DGKB: variants seen among roughly 807,000 people sequenced by gnomAD.
The protein encoded by DGKB is 90 kDa diacylglycerol kinase.
A neutral mutation model predicts 114.3 loss-of-function variants in DGKB; 67 were observed. The observed-to-expected ratio is 0.59, with a 90% CI of 0.48 to 0.72. The LOEUF is 0.72. Ranked by LOEUF, DGKB falls within the 30% of genes least tolerant of loss-of-function variation. The pLI is 0.00. For synonymous variants in DGKB, 398 were observed against 323.1 expected, an observed-to-expected ratio of 1.23 and a Z score of -2.49; for missense variants, 907 against 975.2, an observed-to-expected ratio of 0.93 and a Z score of 0.93.
intron 20 of DGKB, among the ~76,000 whole-genome samples, chr7:14,523,645 T>C (rs1790152356): frequency 6.6e-6 from 1 of 152,140 alleles, no homozygotes; most frequent in East Asian, 1.9e-4. Flanking sequence ...TGTTTGGAAA[T>C]TGTTATATAA....
At chr7:14,189,703 T>C (rs1420688728) in intron 23 of DGKB, among the ~76,000 whole-genome samples, 1 of 151,992 alleles carries the variant, frequency 6.6e-6, no homozygotes, top group Non-Finnish European at 1.5e-5. Context: ...AGCAAAGGGA[T>C]AGAAAAAGAT....
chr7:14,838,898 C>T (rs1047434554), intron 2 of DGKB, among the ~76,000 whole-genome samples: 1 of 152,112 alleles, frequency 6.6e-6, no homozygotes, highest in Non-Finnish European at 1.5e-5. Flanking sequence ...ATGTGCCTCA[C>T]CTCCCTTCCT....
At chr7:14,847,062 G>A (rs766187273) in intron 1 of DGKB, among the ~76,000 whole-genome samples, 3 of 152,054 alleles carry the variant, frequency 2.0e-5, no homozygotes, top group East Asian at 1.9e-4. Flanking sequence ...AGGCCGAGGC[G>A]GGCGGATCAC....
At chr7:14,503,174 G>A (rs1428242587) in intron 20 of DGKB, among the ~76,000 whole-genome samples, 3 of 152,064 alleles carry the variant, frequency 2.0e-5, no homozygotes, top group Non-Finnish European at 4.4e-5. Flanking sequence ...TTCAACATGT[G>A]TGTAAGATCT....
chr7:14,500,274 AC>A (rs1376004938), intron 20 of DGKB, among the ~76,000 whole-genome samples: 1 of 151,794 alleles, frequency 6.6e-6, no homozygotes, highest in African/African-American at 2.4e-5. Context: ...CTTAAACTTC[AC>A]CTTTTTGATA....
chr7:14,632,146 A>C (rs1809844573), intron 13 of DGKB, among the ~76,000 whole-genome samples: 1 of 152,016 alleles, frequency 6.6e-6, no homozygotes, highest in African/African-American at 2.4e-5. Flanking sequence ...GTCCACTTTC[A>C]CTTTTACCAT....
intron 1 of DGKB, among the ~76,000 whole-genome samples, chr7:14,917,728 C>A (rs1784309290): frequency 6.6e-6 from 1 of 151,680 alleles, no homozygotes; most frequent in African/African-American, 2.4e-5. Context: ...AAATCTGTTG[C>A]AAAAAAATAC....
intron 20 of DGKB, among the ~76,000 whole-genome samples, chr7:14,493,078 C>G (rs12537102): frequency 0.041 from 6,224 of 152,050 alleles, 205 homozygotes; most frequent in African/African-American, 0.088. Context: ...TAGTTTCCAG[C>G]AAAATGGTTC....
At chr7:14,676,538 C>G (rs1355998164) in intron 12 of DGKB, among the ~76,000 whole-genome samples, 1 of 151,886 alleles carries the variant, frequency 6.6e-6, no homozygotes. Context: ...TCATGTGCCT[C>G]ATAAATGTAT....
At chr7:14,517,407 C>G (rs767280098) in intron 20 of DGKB, among the ~76,000 whole-genome samples, 1 of 151,772 alleles carries the variant, frequency 6.6e-6, no homozygotes, top group Non-Finnish European at 1.5e-5. Flanking sequence ...GCAAAGATTT[C>G]ACAACGAAGA....
intron 13 of DGKB, among the ~76,000 whole-genome samples, chr7:14,656,135 G>T (rs1300651737): frequency 2.6e-5 from 4 of 151,378 alleles, no homozygotes; most frequent in Non-Finnish European, 5.9e-5. Context: ...ATATCATTCT[G>T]CATCCTATAA....
chr7:14,816,808 C>T (rs1486274334), intron 2 of DGKB, among the ~76,000 whole-genome samples: 1 of 152,096 alleles, frequency 6.6e-6, no homozygotes, highest in African/African-American at 2.4e-5. Flanking sequence ...CACCTGTGAA[C>T]CAACATATGC....
intron 21 of DGKB, among the ~76,000 whole-genome samples, chr7:14,415,634 T>C (rs113290901): frequency 0.44 from 67,433 of 151,696 alleles, 15,693 homozygotes; most frequent in Middle Eastern, 0.57. Context: ...TATTCCATGG[T>C]GTATATGTGC....
At chr7:14,750,337 A>G (rs1247702102) in intron 4 of DGKB, among the ~76,000 whole-genome samples, 1 of 152,230 alleles carries the variant, frequency 6.6e-6, no homozygotes, top group African/African-American at 2.4e-5. Flanking sequence ...GAAAAAAAAG[A>G]TATACACAAA....
chr7:14,621,388 T>C lies in DGKB; in HGVS notation c.1274A>G (p.Gln425Arg). 6.2e-7 allele frequency: 1 copy of C among 1,605,292 alleles called. No homozygotes were observed. The highest frequency in any genetic ancestry group is 8.5e-7 in the Non-Finnish European group (1 of 1,173,382). The change falls in exon 15 of 26, where the codon CAA (glutamine) becomes CGA (arginine). Residue 425 changes from glutamine (Q) to arginine (R), a missense_variant. Physicochemically the swap from Gln to Arg is conservative, Grantham distance 43 (BLOSUM62 1). Transcript: ENST00000402815. Reference protein sequence around the residue: ...QRANSVTVDGQGLQVTPVPGT... With the variant: ...QRANSVTVDGRGLQVTPVPGT... Reference sequence around the variant, plus strand: ...TTTAAAAAATCATACCTGCAGGCCTTGTCCATCTACAGTAACAGAGTTGGC... The same window carrying C: ...TTTAAAAAATCATACCTGCAGGCCTCGTCCATCTACAGTAACAGAGTTGGC...
chr7:14,558,114 A>G (rs1796130265), intron 20 of DGKB, among the ~76,000 whole-genome samples: 1 of 150,188 alleles, frequency 6.7e-6, no homozygotes, highest in African/African-American at 2.4e-5. Flanking sequence ...GTTATTATAT[A>G]TAATTGCCAT....
At chr7:14,370,869 A>G (rs1162082603) in intron 21 of DGKB, among the ~76,000 whole-genome samples, 1 of 152,042 alleles carries the variant, frequency 6.6e-6, no homozygotes, top group Non-Finnish European at 1.5e-5. Context: ...ATGTTTGTCC[A>G]TGGGTACCCA....
chr7:14,189,864 G>T (rs1784048992), intron 23 of DGKB, among the ~76,000 whole-genome samples: 1 of 152,066 alleles, frequency 6.6e-6, no homozygotes, highest in African/African-American at 2.4e-5. Flanking sequence ...TATAACAATT[G>T]TAAATATATA....
intron 23 of DGKB, among the ~76,000 whole-genome samples, chr7:14,195,129 T>C (rs779140618): frequency 1.3e-5 from 2 of 152,198 alleles, no homozygotes; most frequent in Non-Finnish European, 2.9e-5. Flanking sequence ...CTGCTGCTTC[T>C]GGGTTCTTGA....
Sources: allele counts gnomAD v4.1 joint callset (sites outside exome capture counted in the v4.1 genomes callset), GRCh38; gene constraint gnomAD v4.1.1; transcripts MANE v1.5; gene names NCBI Gene and HGNC (gene_info 2026-07-23, HGNC 2026-07-21).